Variants in PLA2G10 observed in about 807,000 individuals in gnomAD.
The protein encoded by PLA2G10 is group 10 secretory phospholipase A2.
PLA2G10 carries 9 observed loss-of-function variants against 7.9 expected under a neutral mutation model. That is an observed-to-expected ratio of 1.14 (90% CI 0.68 to 1.98). The LOEUF (loss-of-function observed/expected upper bound fraction) is 1.98, where lower values mean the gene tolerates loss of function less well. Among genes scored for constraint, PLA2G10 ranks in the 30% most tolerant of loss-of-function variants. The pLI is 0.00. For synonymous variants in PLA2G10, 19 were observed against 27.5 expected (o/e 0.69, Z 0.97); for missense variants, 53 against 65.4 (o/e 0.81, Z 0.66).
chr16:14,680,462 C>T (rs1447438348), intron 3 of PLA2G10, among the ~76,000 whole-genome samples: 1 of 152,120 alleles, frequency 6.6e-6, no homozygotes, highest in Non-Finnish European at 1.5e-5. Flanking sequence ...ATGATCACGG[C>T]TCACTGCAGC....
chr16:14,684,621 G>T (rs1037321540), intron 3 of PLA2G10, among the ~76,000 whole-genome samples: 15 of 151,650 alleles, frequency 9.9e-5, no homozygotes, highest in Admixed American at 7.9e-4. Flanking sequence ...AGCCACGATC[G>T]TGCCACTGCA....
At chr16:14,676,540 G>C (rs1447378460) in intron 3 of PLA2G10, among the ~76,000 whole-genome samples, 1 of 152,152 alleles carries the variant, frequency 6.6e-6, no homozygotes, top group African/African-American at 2.4e-5. Flanking sequence ...TTAGCCAGGC[G>C]TGGTGGCGCA....
At chr16:14,676,080 C>T (rs1960718954) in intron 3 of PLA2G10, among the ~76,000 whole-genome samples, 1 of 152,156 alleles carries the variant, frequency 6.6e-6, no homozygotes, top group South Asian at 2.1e-4. Flanking sequence ...TACCTTACCC[C>T]AGCCAGAATG....
At chr16:14,676,620 AG>A (rs1960732312) in intron 3 of PLA2G10, among the ~76,000 whole-genome samples, 1 of 152,166 alleles carries the variant, frequency 6.6e-6, no homozygotes, top group Non-Finnish European at 1.5e-5. Flanking sequence ...TGGAGGTTGC[AG>A]GGGGCCAAGA....
At chr16:14,674,040 C>G (rs1313441690) in intron 3 of PLA2G10, among the ~76,000 whole-genome samples, 1 of 152,022 alleles carries the variant, frequency 6.6e-6, no homozygotes, top group African/African-American at 2.4e-5. Flanking sequence ...AATAAAGTCT[C>G]AGGTTACAAA....
In PLA2G10 at chr16:14,683,883, A is replaced by C. The variant is rs529396134; in HGVS notation, c.355+4282T>G. 7.2e-5 allele frequency among the ~76,000 whole-genome samples: 11 copies of C among 152,328 alleles called. 1 individual carries two copies. In the East Asian group the frequency reaches 1.9e-3, roughly 27 times the overall value. On this transcript the variant is annotated intron_variant, in intron 3 of 3. Coordinates refer to ENST00000438167, the MANE Select transcript of PLA2G10 (RefSeq NM_003561.3). ...TCAAGGAAGTGAAAAGACAACTTACATAATGGGAGAAAATATTTGCAAATC... is the reference window on the plus strand; with the variant it reads ...TCAAGGAAGTGAAAAGACAACTTACCTAATGGGAGAAAATATTTGCAAATC...
intron 3 of PLA2G10, among the ~76,000 whole-genome samples, chr16:14,679,470 G>A (rs1567503405): frequency 6.6e-6 from 1 of 151,928 alleles, no homozygotes; most frequent in Admixed American, 6.6e-5. Flanking sequence ...GAACAGCCTG[G>A]CCAACATAGA....
chr16:14,675,361 A>G (rs113236150), intron 3 of PLA2G10, among the ~76,000 whole-genome samples: 5 of 152,248 alleles, frequency 3.3e-5, no homozygotes, highest in Admixed American at 2.6e-4. Context: ...ACCTGAAACC[A>G]TAAGAATTCT....
intron 3 of PLA2G10, among the ~76,000 whole-genome samples, chr16:14,683,665 A>G (rs1236855481): frequency 6.6e-6 from 1 of 152,212 alleles, no homozygotes; most frequent in Non-Finnish European, 1.5e-5. Flanking sequence ...GTAGACAAAA[A>G]TTAACTCAAA....
chr16:14,676,736 T>TA (rs1960735444), intron 3 of PLA2G10, among the ~76,000 whole-genome samples: 2 of 152,204 alleles, frequency 1.3e-5, no homozygotes, highest in South Asian at 2.1e-4. Flanking sequence ...TACTTAGCCA[T>TA]AAAAAAGAAC....
chr16:14,679,673 AAAT>A (rs1172261112), intron 3 of PLA2G10, among the ~76,000 whole-genome samples: 97 of 141,794 alleles, frequency 6.8e-4, no homozygotes, highest in African/African-American at 1.2e-3. Context: ...AAAAAAAAAA[AAAT>A]AATAATAATA....
chr16:14,687,496 A>G (rs1961120138), intron 3 of PLA2G10, among the ~76,000 whole-genome samples: 2 of 151,908 alleles, frequency 1.3e-5, no homozygotes, highest in South Asian at 4.2e-4. Flanking sequence ...CGCCTGGCCA[A>G]TGTTAAAAAA....
intron 3 of PLA2G10, among the ~76,000 whole-genome samples, chr16:14,683,951 C>G (rs1960971005): frequency 6.6e-6 from 1 of 152,152 alleles, no homozygotes; most frequent in East Asian, 1.9e-4. Context: ...ATAAAGAACT[C>G]TTAACTGGGC....
intron 3 of PLA2G10, among the ~76,000 whole-genome samples, chr16:14,678,248 C>G (rs1597008714): frequency 6.6e-6 from 1 of 152,128 alleles, no homozygotes; most frequent in Non-Finnish European, 1.5e-5. Context: ...ACAAATACCC[C>G]AGCCAGCTCC....
At chr16:14,674,597 A>G (rs190073790) in intron 3 of PLA2G10, among the ~76,000 whole-genome samples, 190 of 152,194 alleles carry the variant, frequency 1.2e-3, no homozygotes, top group Non-Finnish European at 2.3e-3. Flanking sequence ...GCTGATCGGG[A>G]GGCTAAGGCA....
At chr16:14,672,974 C>T (rs1023696792) in intron 3 of PLA2G10, among the ~76,000 whole-genome samples, 3 of 151,316 alleles carry the variant, frequency 2.0e-5, no homozygotes, top group Non-Finnish European at 2.9e-5. Flanking sequence ...GTCTGCCATA[C>T]TGCTCTTCTG....
At chr16:14,685,881 G>A (rs1406407386) in intron 3 of PLA2G10, among the ~76,000 whole-genome samples, 3 of 151,812 alleles carry the variant, frequency 2.0e-5, no homozygotes, top group Admixed American at 6.6e-5. Flanking sequence ...CACCATGTTG[G>A]CCAGGCTGGT....
chr16:14,684,838 C>T (rs1961006958), intron 3 of PLA2G10, among the ~76,000 whole-genome samples: 1 of 152,052 alleles, frequency 6.6e-6, no homozygotes, highest in African/African-American at 2.4e-5. Flanking sequence ...AGAAGTAAAA[C>T]AGGATTACCG....
chr16:14,681,500 G>A (rs1960891622), intron 3 of PLA2G10, among the ~76,000 whole-genome samples: 1 of 151,856 alleles, frequency 6.6e-6, no homozygotes, highest in Non-Finnish European at 1.5e-5. Flanking sequence ...CATGATCTCA[G>A]GAACCCGATG....
Sources: gnomAD v4.1 joint callset for allele counts (sites outside exome capture counted in the v4.1 genomes callset) on GRCh38, gnomAD v4.1.1 for gene constraint, MANE v1.5 for transcripts, NCBI Gene and HGNC (gene_info 2026-07-23, HGNC 2026-07-21) for gene names.